The following MED27 variants were observed in gnomAD, a reference collection of about 807,000 sequenced individuals.
The protein encoded by MED27 is mediator complex subunit 27.
MED27 carries 30 observed loss-of-function variants against 38.2 expected under a neutral mutation model. That is an observed-to-expected ratio of 0.79 (90% CI 0.59 to 1.07). The LOEUF (loss-of-function observed/expected upper bound fraction) is 1.07, where lower values mean the gene tolerates loss of function less well. MED27 is among the 50% of genes least tolerant of loss of function. The pLI, the probability that MED27 is intolerant of heterozygous loss-of-function variation, is 0.00. For synonymous variants in MED27, 122 were observed against 153.5 expected, an observed-to-expected ratio of 0.79 and a Z score of 1.52; for missense variants, 289 against 397.5, an observed-to-expected ratio of 0.73 and a Z score of 2.32.
chr9:131,900,533 C>A (rs549222183), intron 4 of MED27, among the ~76,000 whole-genome samples: 18 of 152,242 alleles, frequency 1.2e-4, no homozygotes, highest in African/African-American at 4.3e-4. Context: ...AAATGATCTT[C>A]CCCCAGAACT....
chr9:131,864,919 C>T (rs1211151922), intron 6 of MED27, among the ~76,000 whole-genome samples: 3 of 152,244 alleles, frequency 2.0e-5, no homozygotes, highest in South Asian at 2.1e-4. Flanking sequence ...CCACCAGCCC[C>T]GCCTGCCCAG....
rs1023879009 is a variant in MED27, at chr9:131,893,813, C to T, written c.681+72G>A. The T allele has an allele frequency of 1.6e-5, 17 of 1,041,596 alleles. No homozygotes were observed. The African/African-American group carries it at 1.9e-4, about 11-fold the overall frequency. The allele number at this position is 1,041,596 out of a possible 1,614,324, so 64.5% of individuals were successfully genotyped here. A position where few individuals can be genotyped will look rare whatever the true frequency, so the allele number is the denominator to read the frequency against. On this transcript the variant is annotated intron_variant, in intron 5 of 7. Transcript: ENST00000292035. ...ATGATTGCTAGTTTTTAATGCCATT[C>T]ATCTGGAATTCGACTACACTTGTTC...
At chr9:132,065,133 G>A (rs532314160) in intron 2 of MED27, among the ~76,000 whole-genome samples, 8 of 152,286 alleles carry the variant, frequency 5.3e-5, no homozygotes, top group Admixed American at 3.9e-4. Context: ...TTAGCACACT[G>A]GTAGCAAGTG....
chr9:131,999,920 C>T lies in MED27; in HGVS notation c.479+14417G>A, dbSNP rs188214032. On this transcript the variant is annotated intron_variant, in intron 3 of 7. Transcript: ENST00000292035. Reference sequence around the variant, plus strand: ...CACAACTACTGTTTCCTCTGAACTCCTCACAGCAACTAGTGGAATGATGAG... The same window carrying T: ...CACAACTACTGTTTCCTCTGAACTCTTCACAGCAACTAGTGGAATGATGAG... Among the ~76,000 whole-genome samples, 30 of 152,118 alleles carry T rather than the reference C, an allele frequency of 2.0e-4. No homozygotes were observed. The East Asian group carries it at 4.3e-3, about 22-fold the overall frequency.
At position 132,071,663 on chromosome 9, in the gene MED27, G is replaced by A. The variant is rs141843963; in HGVS notation, c.348+5779C>T. Among the ~76,000 whole-genome samples the A allele has an allele frequency of 1.6e-3, 242 of 151,244 alleles. 1 individual carries two copies. The highest frequency in any genetic ancestry group is 5.4e-3 in the African/African-American group (223 of 41,120). ...GAACGAACACACGCATGAGTAACCCGTGCCCCATGAATGAGCACACGTGTA... is the reference window on the plus strand; with the variant it reads ...GAACGAACACACGCATGAGTAACCCATGCCCCATGAATGAGCACACGTGTA... On this transcript the variant is annotated intron_variant, in intron 2 of 7. Coordinates refer to ENST00000292035, the MANE Select transcript of MED27 (RefSeq NM_004269.4).
rs1404698897 is a variant in MED27 at position 131,872,582 on chromosome 9, G to A, written c.724-9442C>T. On this transcript the variant is annotated intron_variant, in intron 6 of 7. Transcript: ENST00000292035. The surrounding 1 kb of genome is among the most constrained non-coding windows in gnomAD (Gnocchi z 5.6). ...GACAGAGGGGAACCGTAAGGAGACCGGGGTTTGACCCTAGCTTAGTGGCGA... is the reference window on the plus strand; with the variant it reads ...GACAGAGGGGAACCGTAAGGAGACCAGGGTTTGACCCTAGCTTAGTGGCGA... Among the ~76,000 whole-genome samples, 1 of 152,142 alleles carries A rather than the reference G, an allele frequency of 6.6e-6. No homozygotes were observed. Among genetic ancestry groups the A allele is most frequent in the Non-Finnish European group, 1.5e-5 (1 of 68,040 alleles).
At chr9:131,943,692 T>C (rs1469947323) in intron 3 of MED27, among the ~76,000 whole-genome samples, 1 of 152,230 alleles carries the variant, frequency 6.6e-6, no homozygotes, top group Non-Finnish European at 1.5e-5. Flanking sequence ...TAGTGCCAAA[T>C]TGAGCAGTGA....
chr9:131,994,352 T>C (rs1484583924), intron 3 of MED27, among the ~76,000 whole-genome samples: 1 of 152,190 alleles, frequency 6.6e-6, no homozygotes, highest in Admixed American at 6.5e-5. Context: ...AAGTCTCTGA[T>C]ACACCCTGCT....
chr9:131,912,351 A>C (rs1830206635), intron 4 of MED27, among the ~76,000 whole-genome samples: 1 of 152,202 alleles, frequency 6.6e-6, no homozygotes, highest in Admixed American at 6.5e-5. Flanking sequence ...CTTCCTTAAG[A>C]ATTAGTGTTC....
intron 4 of MED27, among the ~76,000 whole-genome samples, chr9:131,922,811 G>A (rs935564084): frequency 2.6e-5 from 4 of 151,900 alleles, no homozygotes; most frequent in African/African-American, 7.2e-5. Flanking sequence ...ACGGGGTTTC[G>A]CCATGGTGGC....
chr9:131,998,698 T>C (rs1207324452), intron 3 of MED27, among the ~76,000 whole-genome samples: 1 of 151,956 alleles, frequency 6.6e-6, no homozygotes, highest in Non-Finnish European at 1.5e-5. Flanking sequence ...AAAGTATTAA[T>C]AAGGAAAAAG....
At position 132,051,894 on chromosome 9, in the gene MED27, T is replaced by G. The variant is rs1269239147; in HGVS notation, c.348+25548A>C. Among the ~76,000 whole-genome samples the G allele has an allele frequency of 2.0e-5, 3 of 152,178 alleles. No individual in the cohort carries two copies. The highest frequency in any genetic ancestry group is 7.2e-5 in the African/African-American group (3 of 41,426). The stretch of plus-strand genomic sequence containing the variant: ...AGACTGAGGTGCCAAAACAGGTCCC[T>G]TTCCTTGCCATTTTAACTACGATGA... On this transcript the variant is annotated intron_variant, in intron 2 of 7. Coordinates refer to ENST00000292035, the MANE Select transcript of MED27 (RefSeq NM_004269.4). The surrounding 1 kb of genome is among the most constrained non-coding windows in gnomAD (Gnocchi z 4.2).
chr9:132,023,695 C>G (rs558139974), intron 2 of MED27, among the ~76,000 whole-genome samples: 9 of 151,904 alleles, frequency 5.9e-5, no homozygotes, highest in African/African-American at 2.2e-4. Flanking sequence ...TCAGAAGAGG[C>G]AAGGAAGAAG....
At chr9:131,974,523 C>A (rs1354536735) in intron 3 of MED27, among the ~76,000 whole-genome samples, 1 of 152,108 alleles carries the variant, frequency 6.6e-6, no homozygotes, top group Non-Finnish European at 1.5e-5. Flanking sequence ...TGAGAAGGGG[C>A]CTTGGAGATT....
chr9:131,955,588 C>T (rs1831080067), intron 3 of MED27, among the ~76,000 whole-genome samples: 1 of 152,188 alleles, frequency 6.6e-6, no homozygotes, highest in South Asian at 2.1e-4. Flanking sequence ...CGCTCAGATT[C>T]TAGAGGCATT....
chr9:132,004,242 T>C (rs1589260723), intron 3 of MED27, among the ~76,000 whole-genome samples: 1 of 152,198 alleles, frequency 6.6e-6, no homozygotes, highest in Non-Finnish European at 1.5e-5. Context: ...ACAACATATA[T>C]GCTAATGAAG....
chr9:132,001,960 G>C (rs1273465684), intron 3 of MED27, among the ~76,000 whole-genome samples: 1 of 152,248 alleles, frequency 6.6e-6, no homozygotes, highest in Non-Finnish European at 1.5e-5. Context: ...ATTCTAATGT[G>C]TAGCTAGGGC....
intron 3 of MED27, among the ~76,000 whole-genome samples, chr9:131,944,845 T>C (rs1230559889): frequency 6.6e-6 from 1 of 152,022 alleles, no homozygotes; most frequent in Non-Finnish European, 1.5e-5. Context: ...TGTTAGTCTT[T>C]CTTGGGTCAC....
At chr9:132,069,275 G>A (rs1378572359) in intron 2 of MED27, among the ~76,000 whole-genome samples, 1 of 152,176 alleles carries the variant, frequency 6.6e-6, no homozygotes, top group Non-Finnish European at 1.5e-5. Flanking sequence ...CCTGGGGCCG[G>A]CCAGTGAGGC....
Sources: gnomAD v4.1 joint callset for allele counts (sites outside exome capture counted in the v4.1 genomes callset) on GRCh38, gnomAD v4.1.1 for gene constraint, Gnocchi (gnomAD v3.1) non-coding constraint, MANE v1.5 for transcripts, NCBI Gene and HGNC (gene_info 2026-07-23, HGNC 2026-07-21) for gene names.